The following THSD7B variants were observed in gnomAD, a reference collection of about 807,000 sequenced individuals.
THSD7B encodes thrombospondin type 1 domain containing 7B.
Under a neutral mutation model 213.6 loss-of-function variants are expected in THSD7B, and 138 were observed. The ratio of observed to expected loss-of-function variants is 0.65; its 90% confidence interval spans 0.56 to 0.74. The LOEUF is 0.74. THSD7B is among the 30% of genes least tolerant of loss of function. The probability of loss-of-function intolerance (pLI) is 0.00; values close to 1 mark genes in which losing one functional copy is unlikely to be tolerated. For synonymous variants in THSD7B, 742 were observed against 687.0 expected, an observed-to-expected ratio of 1.08 and a Z score of -1.25; for missense variants, 1,931 against 1,991.5, an observed-to-expected ratio of 0.97 and a Z score of 0.58.
chr2:136,827,983 CTGTT>C (rs1213513112), intron 1 of THSD7B, among the ~76,000 whole-genome samples: 5 of 151,896 alleles, frequency 3.3e-5, no homozygotes, highest in African/African-American at 7.3e-5. Context: ...TTGTTTGTGT[CTGTT>C]ATATCAGCAT....
At chr2:137,427,403 T>C (rs1687083290) in intron 14 of THSD7B, among the ~76,000 whole-genome samples, 1 of 152,100 alleles carries the variant, frequency 6.6e-6, no homozygotes, top group Non-Finnish European at 1.5e-5. Context: ...AAACAACTTA[T>C]GTGTCTGTTG....
intron 10 of THSD7B, among the ~76,000 whole-genome samples, chr2:137,249,019 A>G (rs540576398): frequency 3.3e-5 from 5 of 152,230 alleles, no homozygotes; most frequent in African/African-American, 1.2e-4. Context: ...TCTGTAATTT[A>G]AAGTCCATAG....
At chr2:137,035,353 T>A (rs1040074015) in intron 2 of THSD7B, among the ~76,000 whole-genome samples, 1 of 152,188 alleles carries the variant, frequency 6.6e-6, no homozygotes, top group Non-Finnish European at 1.5e-5. Context: ...GAGCTCTCCT[T>A]TTTGCAATGC....
At chr2:137,188,996 T>C (rs1385743035) in intron 7 of THSD7B, among the ~76,000 whole-genome samples, 2 of 152,200 alleles carry the variant, frequency 1.3e-5, no homozygotes, top group African/African-American at 4.8e-5. Flanking sequence ...GCCACTACAT[T>C]TCAACTTCAG....
intron 7 of THSD7B, among the ~76,000 whole-genome samples, chr2:137,226,470 A>G (rs1388204322): frequency 1.3e-5 from 2 of 151,816 alleles, no homozygotes; most frequent in Admixed American, 6.6e-5. Context: ...TTTATAAAAT[A>G]TAACTGCTAT....
rs1246874768 is a variant in THSD7B at position 137,419,275 on chromosome 2, C to G, written c.2959+7403C>G. Among the ~76,000 whole-genome samples, 3 of 151,462 alleles carry G rather than the reference C, an allele frequency of 2.0e-5. No individual in the cohort carries two copies. In the South Asian group the frequency reaches 6.3e-4, roughly 32 times the overall value. Reference sequence around the variant, plus strand: ...AGCTTTGCTGCAGGAGATACCCCATCTACTCAGTCTGCCAGGCTGTGCCTG... The same window carrying G: ...AGCTTTGCTGCAGGAGATACCCCATGTACTCAGTCTGCCAGGCTGTGCCTG... On this transcript the variant is annotated intron_variant, in intron 14 of 27. Coordinates refer to ENST00000409968, the MANE Select transcript of THSD7B (RefSeq NM_001316349.2).
chr2:137,146,792 A>T (rs766632097), intron 5 of THSD7B, among the ~76,000 whole-genome samples: 6 of 152,174 alleles, frequency 3.9e-5, no homozygotes, highest in Non-Finnish European at 7.4e-5. Flanking sequence ...TAGGAAAAAA[A>T]TGTTTACAAA....
At chr2:137,582,445 T>C (rs1386476657) in intron 17 of THSD7B, among the ~76,000 whole-genome samples, 1 of 151,956 alleles carries the variant, frequency 6.6e-6, no homozygotes, top group Non-Finnish European at 1.5e-5. Flanking sequence ...ACCCATTAAC[T>C]CCTCATTTAC....
At chr2:137,070,610 G>A (rs963158304) in intron 3 of THSD7B, among the ~76,000 whole-genome samples, 1 of 150,818 alleles carries the variant, frequency 6.6e-6, no homozygotes, top group East Asian at 1.9e-4. Context: ...TGTGCACAAC[G>A]TGCAGGTTTG....
At position 137,659,762 on chromosome 2, in the gene THSD7B, G is replaced by A. The variant is rs748963671; in HGVS notation, c.4458+16G>A. On this transcript the variant is annotated intron_variant, in intron 25 of 27. Coordinates refer to ENST00000409968, the MANE Select transcript of THSD7B (RefSeq NM_001316349.2). ...CTGTACACAGGTGAGTCATGTGCTGGAGTCTTCTATAAGTGCATTAATTGC... is the reference window on the plus strand; with the variant it reads ...CTGTACACAGGTGAGTCATGTGCTGAAGTCTTCTATAAGTGCATTAATTGC... 2 of 1,587,904 alleles carry A rather than the reference G, an allele frequency of 1.3e-6. No homozygotes were observed. The highest frequency in any genetic ancestry group is 8.6e-7 in the Non-Finnish European group (1 of 1,166,878).
At chr2:137,343,965 TAAA>T (rs560097879) in intron 12 of THSD7B, among the ~76,000 whole-genome samples, 2 of 151,604 alleles carry the variant, frequency 1.3e-5, no homozygotes, top group Admixed American at 6.6e-5. Context: ...TGAAATGGCC[TAAA>T]AAAATAACAT....
chr2:137,075,812 C>T (rs999468975), intron 3 of THSD7B, among the ~76,000 whole-genome samples: 2 of 152,164 alleles, frequency 1.3e-5, no homozygotes, highest in East Asian at 1.9e-4. Context: ...ACAGACAGGA[C>T]CCTCAGCTGC....
chr2:137,670,920 CAAAAAAAAAAAAAAAA>C (rs530737012), intron 27 of THSD7B, among the ~76,000 whole-genome samples: 1 of 102,840 alleles, frequency 9.7e-6, no homozygotes, highest in African/African-American at 3.8e-5. Flanking sequence ...GACTCCGCCT[CAAAAAAAAAAAAAAAA>C]AAAAAAAAAA....
chr2:137,052,740 C>A (rs1687091980), intron 2 of THSD7B, among the ~76,000 whole-genome samples: 1 of 152,024 alleles, frequency 6.6e-6, no homozygotes, highest in East Asian at 1.9e-4. Context: ...TGGCAAAACC[C>A]CTTAGGGCTG....
chr2:136,937,852 T>C (rs11903127), intron 2 of THSD7B, among the ~76,000 whole-genome samples: 11,268 of 152,130 alleles, frequency 0.074, 670 homozygotes, highest in African/African-American at 0.16. Flanking sequence ...GAAGAAATAG[T>C]TGAGTAGAGC....
At chr2:137,461,642 A>G (rs901168400) in intron 15 of THSD7B, among the ~76,000 whole-genome samples, 1 of 152,082 alleles carries the variant, frequency 6.6e-6, no homozygotes, top group African/African-American at 2.4e-5. Context: ...TTTCTACCTC[A>G]TAAGTCTGAT....
intron 14 of THSD7B, among the ~76,000 whole-genome samples, chr2:137,448,753 T>G (rs750098930): frequency 6.6e-6 from 1 of 151,746 alleles, no homozygotes; most frequent in East Asian, 1.9e-4. Flanking sequence ...GAGCCGAGAT[T>G]GCGCCACTGC....
intron 2 of THSD7B, among the ~76,000 whole-genome samples, chr2:137,029,381 T>C (rs964430621): frequency 3.3e-5 from 5 of 152,266 alleles, no homozygotes; most frequent in African/African-American, 1.2e-4. Flanking sequence ...CTGTAAGCAT[T>C]GTTCTAATGG....
At chr2:137,018,662 G>A (rs1424663923) in intron 2 of THSD7B, among the ~76,000 whole-genome samples, 1 of 152,070 alleles carries the variant, frequency 6.6e-6, no homozygotes, top group Non-Finnish European at 1.5e-5. Context: ...AAATAAAATA[G>A]TATTTATTAT....
Sources: gnomAD v4.1 joint callset for allele counts (sites outside exome capture counted in the v4.1 genomes callset) on GRCh38, gnomAD v4.1.1 for gene constraint, MANE v1.5 for transcripts, NCBI Gene and HGNC (gene_info 2026-07-23, HGNC 2026-07-21) for gene names.